The following SYK variants were observed in gnomAD, a reference collection of about 807,000 sequenced individuals.
SYK encodes tyrosine-protein kinase SYK.
SYK carries 16 observed loss-of-function variants against 77.8 expected under a neutral mutation model. The ratio of observed to expected loss-of-function variants is 0.21; its 90% CI spans 0.14 to 0.31. The LOEUF is 0.31. SYK is among the 10% of genes least tolerant of loss of function. SYK has a pLI of 1.00. For synonymous variants in SYK, 312 were observed against 308.7 expected, an observed-to-expected ratio of 1.01 and a Z score of -0.11; for missense variants, 529 against 814.4, an observed-to-expected ratio of 0.65 and a Z score of 4.26.
intron 1 of SYK, among the ~76,000 whole-genome samples, chr9:90,809,868 A>G (rs550239184): frequency 6.6e-6 from 1 of 152,104 alleles, no homozygotes; most frequent in East Asian, 1.9e-4. Context: ...TTGGGAGTGG[A>G]CAGGTGTGGA....
chr9:90,842,307 G>C (rs1262585314), intron 1 of SYK, among the ~76,000 whole-genome samples: 1 of 148,868 alleles, frequency 6.7e-6, no homozygotes, highest in African/African-American at 2.5e-5. Flanking sequence ...GTGTCCATGT[G>C]GTATGGAGTG....
Position 90,878,745 on chromosome 9 carries a change from A to G in SYK, c.1392-19A>G. Reference sequence around the variant, plus strand: ...GGGTCACTGTCTGTTATAGCTGATGAGATCATTATGACTTTCAGACATGTC... The same window carrying G: ...GGGTCACTGTCTGTTATAGCTGATGGGATCATTATGACTTTCAGACATGTC... On this transcript the variant is annotated intron_variant, in intron 10 of 13. Coordinates refer to ENST00000375754, the MANE Select transcript of SYK (RefSeq NM_003177.7). 1 of 1,593,398 alleles carries G rather than the reference A, an allele frequency of 6.3e-7. No individual in the cohort carries two copies. The highest frequency in any genetic ancestry group is 1.1e-5 in the South Asian group (1 of 90,170).
chr9:90,888,129 A>C (rs1190202045), intron 12 of SYK, among the ~76,000 whole-genome samples: 1 of 152,240 alleles, frequency 6.6e-6, no homozygotes, highest in African/African-American at 2.4e-5. Flanking sequence ...AACCCAGATC[A>C]TTACTCATTA....
chr9:90,805,583 G>T (rs1824796155), intron 1 of SYK, among the ~76,000 whole-genome samples: 1 of 152,150 alleles, frequency 6.6e-6, no homozygotes, highest in Non-Finnish European at 1.5e-5. Flanking sequence ...AGTATACTCT[G>T]CCTGACTATA....
chr9:90,885,166 A>C (rs1012812464), intron 11 of SYK, among the ~76,000 whole-genome samples: 1 of 151,878 alleles, frequency 6.6e-6, no homozygotes, highest in Admixed American at 6.6e-5. Flanking sequence ...ATTCTCCAGC[A>C]AAAAAATCCC....
In SYK at chr9:90,898,504, T is replaced by C; in HGVS notation, c.*2904T>C. 4.7e-6 allele frequency: 1 copy of C among 212,870 alleles called. No individual in the cohort carries two copies. The highest frequency in any genetic ancestry group is 7.0e-5 in the East Asian group (1 of 14,240). The allele number at this position is 212,870 out of a possible 1,614,324, so 13.2% of individuals were successfully genotyped here. ...TTTCAGAAGAGCTACATTGTGTCACTGGACATTTTTAAAAACTGTGATTTT... is the reference window on the plus strand; with the variant it reads ...TTTCAGAAGAGCTACATTGTGTCACCGGACATTTTTAAAAACTGTGATTTT... On this transcript the variant is annotated 3_prime_UTR_variant, in exon 14 of 14. Coordinates refer to ENST00000375754, the MANE Select transcript of SYK (RefSeq NM_003177.7).
intron 13 of SYK, among the ~76,000 whole-genome samples, chr9:90,890,763 G>T (rs1478192531): frequency 6.6e-6 from 1 of 152,212 alleles, no homozygotes; most frequent in Non-Finnish European, 1.5e-5. Context: ...CCTCAAACAG[G>T]GTTGGGGGAG....
intron 6 of SYK, among the ~76,000 whole-genome samples, chr9:90,866,655 G>C (rs892442238): frequency 3.9e-5 from 6 of 152,224 alleles, no homozygotes; most frequent in African/African-American, 1.2e-4. Flanking sequence ...AGATATTTTG[G>C]AATAACTTTT....
At chr9:90,870,926 C>T (rs1827705792) in intron 7 of SYK, among the ~76,000 whole-genome samples, 1 of 152,212 alleles carries the variant, frequency 6.6e-6, no homozygotes, top group African/African-American at 2.4e-5. Flanking sequence ...TGTTAGGACA[C>T]TTGGCAATAC....
intron 1 of SYK, among the ~76,000 whole-genome samples, chr9:90,823,070 A>C (rs1447839317): frequency 6.6e-6 from 1 of 152,160 alleles, no homozygotes; most frequent in Non-Finnish European, 1.5e-5. Context: ...TCAGCTGGGA[A>C]TTCCCAAGGG....
At chr9:90,813,818 G>A (rs544748477) in intron 1 of SYK, among the ~76,000 whole-genome samples, 3 of 152,332 alleles carry the variant, frequency 2.0e-5, no homozygotes, top group Non-Finnish European at 4.4e-5. Context: ...CAAATAAGCT[G>A]TGTCTAGATC....
intron 1 of SYK, among the ~76,000 whole-genome samples, chr9:90,841,814 T>C (rs1402753753): frequency 6.6e-6 from 1 of 150,972 alleles, no homozygotes; most frequent in African/African-American, 2.4e-5. Flanking sequence ...TAGTGTGTTG[T>C]ATGTGGTGTG....
At chr9:90,891,394 G>A (rs752114650) in intron 13 of SYK, among the ~76,000 whole-genome samples, 3 of 152,000 alleles carry the variant, frequency 2.0e-5, no homozygotes, top group Non-Finnish European at 1.5e-5. Flanking sequence ...TGATCCGCCC[G>A]CCTCAGCCTT....
Position 90,844,198 on chromosome 9 carries a change from C to G in SYK, c.300C>G (p.Val100=). ...HYHSQESDGL[V]CLLKKPFNRP... ...ACTCCCAGGAGTCTGATGGCCTGGTCTGCCTCCTCAAGAAGCCCTTCAACC... is the reference window on the plus strand; with the variant it reads ...ACTCCCAGGAGTCTGATGGCCTGGTGTGCCTCCTCAAGAAGCCCTTCAACC... Residue 100 remains valine, a synonymous_variant, in exon 2 of 14, where the codon GTC becomes GTG. Transcript: ENST00000375754. 1 of 1,614,238 alleles carries G rather than the reference C, an allele frequency of 6.2e-7. No homozygotes were observed. The highest frequency in any genetic ancestry group is 8.5e-7 in the Non-Finnish European group (1 of 1,180,026).
chr9:90,879,159 T>C (rs1405602399), intron 11 of SYK, among the ~76,000 whole-genome samples: 2 of 152,216 alleles, frequency 1.3e-5, no homozygotes, highest in African/African-American at 4.8e-5. Context: ...CTCAAAGTAG[T>C]ATATTCTAAA....
In SYK at chr9:90,814,044, C is replaced by T. The variant is rs557115474; in HGVS notation, c.-42+12151C>T. The stretch of plus-strand genomic sequence containing the variant: ...CATGGAGAGTTTTGTATACTCTGCT[C>T]CCAGCATGGCACCCTCTTTGCATAT... On this transcript the variant is annotated intron_variant, in intron 1 of 13. Transcript: ENST00000375754. Among the ~76,000 whole-genome samples, 75 of 152,268 alleles carry T rather than the reference C, an allele frequency of 4.9e-4. No homozygotes were observed. In the South Asian group the frequency reaches 5.0e-3, roughly 10 times the overall value.
intron 1 of SYK, among the ~76,000 whole-genome samples, chr9:90,823,243 G>A (rs1410610491): frequency 6.6e-6 from 1 of 152,170 alleles, no homozygotes; most frequent in Non-Finnish European, 1.5e-5. Context: ...TAACAACAGA[G>A]CATCAAAATA....
intron 1 of SYK, among the ~76,000 whole-genome samples, chr9:90,804,826 G>A (rs762553397): frequency 1.1e-4 from 16 of 152,162 alleles, no homozygotes; most frequent in Non-Finnish European, 1.6e-4. Flanking sequence ...AGGGATTGTG[G>A]GAAGATGTTT....
intron 11 of SYK, among the ~76,000 whole-genome samples, chr9:90,882,004 G>A (rs1354450325): frequency 6.6e-6 from 1 of 152,202 alleles, no homozygotes; most frequent in Non-Finnish European, 1.5e-5. Context: ...ATTTGCATGT[G>A]CTGACCTAGA....
Sources: allele counts gnomAD v4.1 joint callset (sites outside exome capture counted in the v4.1 genomes callset), GRCh38; gene constraint gnomAD v4.1.1; transcripts MANE v1.5; gene names NCBI Gene and HGNC (gene_info 2026-07-23, HGNC 2026-07-21).